FARS2: variants seen among roughly 807,000 people sequenced by gnomAD.
The protein encoded by FARS2 is phenylalanine--tRNA ligase, mitochondrial.
A neutral mutation model predicts 46.4 loss-of-function variants in FARS2; 40 were observed. That is an observed-to-expected ratio of 0.86 (90% CI 0.67 to 1.12). The LOEUF (loss-of-function observed/expected upper bound fraction) is 1.12, where lower values mean the gene tolerates loss of function less well. FARS2 is among the 50% of genes most tolerant of loss of function. FARS2 has a pLI of 0.00. For synonymous variants in FARS2, 234 were observed against 214.9 expected (o/e 1.09, Z -0.78); for missense variants, 513 against 567.9 (o/e 0.90, Z 0.98).
At position 5,368,583 on chromosome 6, in the gene FARS2, G is replaced by A; in HGVS notation, c.13G>A (p.Ala5Thr). Reference protein sequence around the residue: MVGSALRRGAHAYVY... With the variant: MVGSTLRRGAHAYVY... ...AGAAGTTTCTACAATGGTGGGCTCA[G>A]CTCTCAGGAGAGGTGCCCATGCATA... Residue 5 changes from alanine (A) to threonine (T), a missense_variant, in exon 2 of 7, where the codon GCT becomes ACT. Coordinates refer to ENST00000274680, the MANE Select transcript of FARS2 (RefSeq NM_006567.5). 6.2e-7 allele frequency: 1 copy of A among 1,610,626 alleles called. No individual in the cohort carries two copies. Among genetic ancestry groups the A allele is most frequent in the Non-Finnish European group, 8.5e-7 (1 of 1,177,802 alleles).
intron 4 of FARS2, chr6:5,466,724 C>G (rs9504402): frequency 0.023 from 22,297 of 979,710 alleles, 505 homozygotes; most frequent in African/African-American, 0.092. Flanking sequence ...TCCAGAGAGT[C>G]GAATGCAAGG....
At chr6:5,334,270 T>C (rs1380744795) in intron 1 of FARS2, among the ~76,000 whole-genome samples, 3 of 152,200 alleles carry the variant, frequency 2.0e-5, no homozygotes. Flanking sequence ...TCGTACATTG[T>C]TGATGGGAGT....
chr6:5,705,445 G>C (rs1758684973), intron 6 of FARS2, among the ~76,000 whole-genome samples: 2 of 152,182 alleles, frequency 1.3e-5, no homozygotes, highest in South Asian at 4.1e-4. Flanking sequence ...GCTTCACACA[G>C]GTGGGTTGAG....
chr6:5,455,268 G>T (rs1764778034), intron 4 of FARS2, among the ~76,000 whole-genome samples: 1 of 152,154 alleles, frequency 6.6e-6, no homozygotes. Context: ...CCCCTCCAAA[G>T]ATGACACAAG....
chr6:5,764,264 C>A lies in FARS2; in HGVS notation c.1218-7027C>A, dbSNP rs1762638047. On this transcript the variant is annotated intron_variant, in intron 6 of 6. Transcript: ENST00000274680. The surrounding 1 kb of genome is among the most constrained non-coding windows in gnomAD (Gnocchi z 4.1). ...CAAAGGGCAGAGCAGGAATTAGAAC[C>A]AAGTTTCTCTAGCTGCAAAGTCTGG... is the stretch of plus-strand genomic sequence containing the variant. Among the ~76,000 whole-genome samples the A allele has an allele frequency of 6.6e-6, 1 of 152,098 alleles. No individual in the cohort carries two copies. Among genetic ancestry groups the A allele is most frequent in the African/African-American group, 2.4e-5 (1 of 41,422 alleles).
chr6:5,540,632 C>T (rs754415077), intron 4 of FARS2, among the ~76,000 whole-genome samples: 9 of 152,158 alleles, frequency 5.9e-5, no homozygotes, highest in Non-Finnish European at 1.2e-4. Flanking sequence ...GTCTAAAACT[C>T]GTTTATGGAG....
chr6:5,703,155 T>A (rs1175909044), intron 6 of FARS2, among the ~76,000 whole-genome samples: 2 of 152,192 alleles, frequency 1.3e-5, no homozygotes, highest in Non-Finnish European at 2.9e-5. Context: ...AGCCTGTGGA[T>A]TATACATTTT....
At chr6:5,768,696 A>G (rs911117077) in intron 6 of FARS2, among the ~76,000 whole-genome samples, 1 of 152,098 alleles carries the variant, frequency 6.6e-6, no homozygotes, top group Non-Finnish European at 1.5e-5. Flanking sequence ...GTGGTATCTC[A>G]TGGTGGTTTT....
Position 5,468,329 on chromosome 6 carries a change from A to AT in FARS2, c.904+37163dup, listed in dbSNP as rs1036455258. Among the ~76,000 whole-genome samples, 8 of 151,370 alleles carry AT rather than the reference A, an allele frequency of 5.3e-5. No individual in the cohort carries two copies. The South Asian group carries it at 6.3e-4, about 12-fold the overall frequency. On this transcript the variant is annotated intron_variant, in intron 4 of 6. Coordinates refer to ENST00000274680, the MANE Select transcript of FARS2 (RefSeq NM_006567.5). ...AGATTTCAGAGCATGCCAATTAGAT[A>AT]TTTTTTCCCTTGGCTGGTAAAAGTA...
At chr6:5,728,895 C>T (rs1162049605) in intron 6 of FARS2, among the ~76,000 whole-genome samples, 1 of 152,208 alleles carries the variant, frequency 6.6e-6, no homozygotes, top group Non-Finnish European at 1.5e-5. Flanking sequence ...CCTGCCTGAG[C>T]TCACCACTGT....
At chr6:5,420,760 G>C (rs1462219926) in intron 3 of FARS2, among the ~76,000 whole-genome samples, 1 of 152,098 alleles carries the variant, frequency 6.6e-6, no homozygotes, top group Non-Finnish European at 1.5e-5. Flanking sequence ...TTTTCTAGGT[G>C]CCTGGTGCAA....
At chr6:5,360,002 A>G (rs1758199731) in intron 1 of FARS2, among the ~76,000 whole-genome samples, 1 of 152,234 alleles carries the variant, frequency 6.6e-6, no homozygotes, top group South Asian at 2.1e-4. Context: ...AAGCAACGTC[A>G]TTGTATCAGG....
chr6:5,532,150 AAC>A (rs1769882971), intron 4 of FARS2, among the ~76,000 whole-genome samples: 1 of 152,210 alleles, frequency 6.6e-6, no homozygotes, highest in African/African-American at 2.4e-5. Flanking sequence ...AATTATAGTC[AAC>A]CAGGAAATCA....
intron 1 of FARS2, among the ~76,000 whole-genome samples, chr6:5,359,005 C>T (rs1474093126): frequency 7.3e-6 from 1 of 136,592 alleles, no homozygotes; most frequent in East Asian, 2.3e-4. Flanking sequence ...ATTTCTCAAT[C>T]GAATTATAGT....
chr6:5,469,133 C>T (rs1207216063), intron 4 of FARS2, among the ~76,000 whole-genome samples: 1 of 152,206 alleles, frequency 6.6e-6, no homozygotes, highest in South Asian at 2.1e-4. Context: ...AGTGTTTAGC[C>T]ATTGCCACTT....
At chr6:5,256,983 C>G (rs973760660), upstream of FARS2, among the ~76,000 whole-genome samples, 1 of 152,130 alleles carries the variant, frequency 6.6e-6, no homozygotes, top group African/African-American at 2.4e-5. Flanking sequence ...TTATCAAATA[C>G]AACATTCTTC....
intron 2 of FARS2, among the ~76,000 whole-genome samples, chr6:5,377,445 G>C (rs1759453383): frequency 6.6e-6 from 1 of 152,168 alleles, no homozygotes; most frequent in Non-Finnish European, 1.5e-5. Context: ...TTTCTGTCGT[G>C]TACACACATG....
chr6:5,334,638 T>C (rs1039590531), intron 1 of FARS2, among the ~76,000 whole-genome samples: 1 of 152,174 alleles, frequency 6.6e-6, no homozygotes, highest in Non-Finnish European at 1.5e-5. Context: ...CTAATGTTTG[T>C]TTGAAAATCA....
At chr6:5,555,981 G>A (rs1245963423) in intron 5 of FARS2, among the ~76,000 whole-genome samples, 1 of 152,054 alleles carries the variant, frequency 6.6e-6, no homozygotes, top group African/African-American at 2.4e-5. Context: ...CACATTGTAA[G>A]CACTTAATCC....
Sources: gnomAD v4.1 joint callset for allele counts (sites outside exome capture counted in the v4.1 genomes callset) on GRCh38, gnomAD v4.1.1 for gene constraint, Gnocchi (gnomAD v3.1) non-coding constraint, MANE v1.5 for transcripts, NCBI Gene and HGNC (gene_info 2026-07-23, HGNC 2026-07-21) for gene names.